The following POU6F2 variants were observed in gnomAD, a reference collection of about 807,000 sequenced individuals.
POU6F2 encodes POU domain, class 6, transcription factor 2.
POU6F2 carries 31 observed loss-of-function variants against 71.3 expected under a neutral mutation model. The ratio of observed to expected loss-of-function variants is 0.43; its 90% CI spans 0.33 to 0.59. POU6F2 has a LOEUF of 0.59. Ranked by LOEUF, POU6F2 falls within the 20% of genes least tolerant of loss-of-function variation. The pLI, the probability that POU6F2 is intolerant of heterozygous loss-of-function variation, is 0.04. For missense variants in POU6F2, 783 were observed against 856.8 expected (o/e 0.91, Z 1.07); for synonymous variants, 347 against 355.7 (o/e 0.98, Z 0.27).
intron 4 of POU6F2, among the ~76,000 whole-genome samples, chr7:39,280,181 G>A (rs1057207723): frequency 2.6e-5 from 4 of 152,150 alleles, no homozygotes; most frequent in African/African-American, 7.2e-5. Context: ...TCAAGACTTC[G>A]ACATATCTTT....
At chr7:39,340,076 T>A in intron 5 of POU6F2, 61 bp downstream of exon 5, 1 of 1,508,764 alleles carries the variant, frequency 6.6e-7, no homozygotes, top group Non-Finnish European at 8.9e-7. Context: ...CATGGGGTGG[T>A]GCCATCCCCA....
chr7:39,021,160 T>G (rs899936642), intron 1 of POU6F2, among the ~76,000 whole-genome samples: 78 of 152,094 alleles, frequency 5.1e-4, no homozygotes, highest in African/African-American at 1.8e-3. Context: ...TATATATTTA[T>G]GGGGTACACT....
At chr7:39,317,929 C>T (rs1018184997) in intron 4 of POU6F2, among the ~76,000 whole-genome samples, 2 of 152,184 alleles carry the variant, frequency 1.3e-5, no homozygotes, top group African/African-American at 4.8e-5. Context: ...CCTCAAATTA[C>T]TAGTCACTCT....
At chr7:39,269,933 T>C (rs1583487080) in intron 4 of POU6F2, among the ~76,000 whole-genome samples, 1 of 152,226 alleles carries the variant, frequency 6.6e-6, no homozygotes. Context: ...GGAATTTCAA[T>C]GTCAGGACTA....
chr7:39,101,844 G>A (rs1025056381), intron 2 of POU6F2, among the ~76,000 whole-genome samples: 1 of 151,976 alleles, frequency 6.6e-6, no homozygotes, highest in Non-Finnish European at 1.5e-5. Context: ...AATATATATG[G>A]TTATTATTAG....
chr7:39,321,914 GAGAT>G (rs1292354891), intron 4 of POU6F2, among the ~76,000 whole-genome samples: 2 of 151,710 alleles, frequency 1.3e-5, no homozygotes, highest in African/African-American at 2.4e-5. Flanking sequence ...GACAGAGAGA[GAGAT>G]AGAGAGAGAG....
chr7:39,424,023 G>T (rs1787912246), intron 6 of POU6F2, among the ~76,000 whole-genome samples: 1 of 152,196 alleles, frequency 6.6e-6, no homozygotes, highest in South Asian at 2.1e-4. Context: ...AGAAATTCAA[G>T]ATCACAGTGC....
intron 4 of POU6F2, among the ~76,000 whole-genome samples, chr7:39,252,397 CAG>C (rs763636936): frequency 1.8e-3 from 148 of 84,450 alleles, no homozygotes; most frequent in African/African-American, 2.8e-3. Context: ...GACAGACAGA[CAG>C]ACACACACAC....
intron 5 of POU6F2, among the ~76,000 whole-genome samples, chr7:39,356,883 CT>C (rs1228434828): frequency 6.6e-6 from 1 of 152,148 alleles, no homozygotes; most frequent in Non-Finnish European, 1.5e-5. Context: ...GAAATGGGGG[CT>C]TGATTTAAAT....
chr7:39,352,716 T>G (rs1786162939), intron 5 of POU6F2, among the ~76,000 whole-genome samples: 1 of 152,240 alleles, frequency 6.6e-6, no homozygotes, highest in African/African-American at 2.4e-5. Flanking sequence ...AGTGCTGCCA[T>G]CATTGCAAGA....
intron 5 of POU6F2, among the ~76,000 whole-genome samples, chr7:39,374,904 T>C (rs1432314916): frequency 6.6e-6 from 1 of 152,002 alleles, no homozygotes; most frequent in Non-Finnish European, 1.5e-5. Flanking sequence ...GTGGAAAGAG[T>C]AAAAAATTCT....
chr7:39,166,625 C>A (rs533020412), intron 2 of POU6F2, among the ~76,000 whole-genome samples: 2 of 152,298 alleles, frequency 1.3e-5, no homozygotes, highest in Non-Finnish European at 2.9e-5. Flanking sequence ...GTCACACTTC[C>A]AAGGGACTGA....
At chr7:39,394,618 T>A (rs1031549638) in intron 5 of POU6F2, among the ~76,000 whole-genome samples, 2 of 152,208 alleles carry the variant, frequency 1.3e-5, no homozygotes, top group African/African-American at 2.4e-5. Flanking sequence ...TTAGGTGTGC[T>A]GTGGACATTC....
In POU6F2 at chr7:39,049,673, A is replaced by T. The variant is rs1527953; in HGVS notation, c.106-36187A>T. Among the ~76,000 whole-genome samples, 784 of 152,044 alleles carry T rather than the reference A, an allele frequency of 5.2e-3. 7 individuals carry two copies. Among genetic ancestry groups the T allele is most frequent in the African/African-American group, 0.018 (737 of 41,516 alleles). On this transcript the variant is annotated intron_variant, in intron 1 of 9. Transcript: ENST00000518318. ...AACTTAATTCTGCTCTGTTATATCT[A>T]GCAGTGTGCCCCTGAAGTAGAATTT...
At chr7:39,123,901 G>A (rs986708453) in intron 2 of POU6F2, among the ~76,000 whole-genome samples, 5 of 151,852 alleles carry the variant, frequency 3.3e-5, no homozygotes, top group Non-Finnish European at 5.9e-5. Context: ...GATAACAAAA[G>A]TATTTGTATA....
intron 1 of POU6F2, among the ~76,000 whole-genome samples, chr7:39,011,697 G>A (rs1243091712): frequency 6.6e-6 from 1 of 150,794 alleles, no homozygotes; most frequent in East Asian, 1.9e-4. Context: ...CTTCCTTCAG[G>A]AGCTCTTGTA....
chr7:39,081,009 T>G (rs939807753), intron 1 of POU6F2, among the ~76,000 whole-genome samples: 1 of 152,164 alleles, frequency 6.6e-6, no homozygotes, highest in Non-Finnish European at 1.5e-5. Flanking sequence ...GTACCCCATA[T>G]CTACTCTTTA....
intron 4 of POU6F2, among the ~76,000 whole-genome samples, chr7:39,313,433 A>G (rs2128767389): frequency 6.6e-6 from 1 of 152,034 alleles, no homozygotes; most frequent in East Asian, 1.9e-4. Flanking sequence ...CTATCTTTAC[A>G]TATTTTGTTT....
chr7:39,233,582 G>A (rs1218632484), intron 4 of POU6F2, among the ~76,000 whole-genome samples: 1 of 152,180 alleles, frequency 6.6e-6, no homozygotes, highest in Non-Finnish European at 1.5e-5. Context: ...AGAGGATGAT[G>A]ATCTGGGTTA....
Sources: allele counts gnomAD v4.1 joint callset (sites outside exome capture counted in the v4.1 genomes callset), GRCh38; gene constraint gnomAD v4.1.1; transcripts MANE v1.5; gene names NCBI Gene and HGNC (gene_info 2026-07-23, HGNC 2026-07-21).